The following GABPA variants were observed in gnomAD, a reference collection of about 807,000 sequenced individuals.
GABPA encodes the protein GA binding protein transcription factor subunit alpha, also known as GA-binding protein alpha chain.
Under a neutral mutation model 59.4 loss-of-function variants are expected in GABPA, and 4 were observed. The ratio of observed to expected loss-of-function variants is 0.07; its 90% CI spans 0.03 to 0.15. The LOEUF (loss-of-function observed/expected upper bound fraction) is 0.15. GABPA is among the 10% of genes least tolerant of loss of function. The probability of loss-of-function intolerance (pLI) is 1.00; values close to 1 mark genes in which losing one functional copy is unlikely to be tolerated. For missense variants in GABPA, 251 were observed against 543.8 expected (o/e 0.46, Z 5.36); for synonymous variants, 164 against 183.1 (o/e 0.90, Z 0.84).
At chr21:25,753,235 A>G (rs2035556501) in intron 5 of GABPA, among the ~76,000 whole-genome samples, 1 of 152,204 alleles carries the variant, frequency 6.6e-6, no homozygotes, top group Non-Finnish European at 1.5e-5. Flanking sequence ...GAAGGTGGAT[A>G]GCACTTGATT....
intron 5 of GABPA, among the ~76,000 whole-genome samples, chr21:25,755,467 A>C (rs2035613885): frequency 6.7e-6 from 1 of 149,944 alleles, no homozygotes; most frequent in African/African-American, 2.5e-5. Flanking sequence ...CAAAGAAAAG[A>C]GTTTCAAACG....
At chr21:25,748,966 T>A in intron 3 of GABPA, 70 bp from the exon 4 acceptor site, 2 of 942,080 alleles carry the variant, frequency 2.1e-6, no homozygotes, top group South Asian at 2.7e-5. Context: ...CCATTTATTC[T>A]AAACCAAAGG....
intron 2 of GABPA, 135 bp from the exon 3 acceptor site, chr21:25,745,075 C>T (rs190464308): frequency 1.7e-5 from 14 of 841,728 alleles, no homozygotes; most frequent in African/African-American, 3.5e-5. Context: ...ATGAGCCTGC[C>T]ACAGTATCTA....
intron 8 of GABPA, 69 bp from the exon 9 acceptor site, chr21:25,764,526 G>A: frequency 6.7e-7 from 1 of 1,495,758 alleles, no homozygotes; most frequent in South Asian, 1.2e-5. Context: ...CACGGGACCA[G>A]TTTGTTGTCT....
chr21:25,738,515 T>A (rs2035138426), intron 1 of GABPA, among the ~76,000 whole-genome samples: 1 of 152,256 alleles, frequency 6.6e-6, no homozygotes, highest in Non-Finnish European at 1.5e-5. Flanking sequence ...ATCAGATTTT[T>A]CTCCTTACGG....
At chr21:25,742,998 T>C (rs150112064) in intron 2 of GABPA, among the ~76,000 whole-genome samples, 173 of 152,122 alleles carry the variant, frequency 1.1e-3, no homozygotes, top group African/African-American at 4.1e-3. Context: ...TGGGAGCAAC[T>C]TACCTGGGTG....
At chr21:25,758,257 C>A in intron 6 of GABPA, 53 bp downstream of exon 6, 1 of 1,285,872 alleles carries the variant, frequency 7.8e-7, no homozygotes, top group Non-Finnish European at 1.1e-6. Context: ...AATTTTATTT[C>A]CTTGTAACTT....
intron 9 of GABPA, 116 bp from the exon 10 acceptor site, chr21:25,768,888 T>C (rs1455010680): frequency 3.1e-6 from 2 of 653,118 alleles, no homozygotes; most frequent in Non-Finnish European, 5.5e-6. Context: ...CAATATTAAT[T>C]GCTATTGTGG....
Position 25,752,702 on chromosome 21 carries a change from G to C in GABPA, c.553+468G>C, listed in dbSNP as rs898802937. ...AAAGCTTAGACCTGGGGGTATGCATGAGTAGTGAGAAAATGGAGTGGTTAA... is the reference window on the plus strand; with the variant it reads ...AAAGCTTAGACCTGGGGGTATGCATCAGTAGTGAGAAAATGGAGTGGTTAA... On this transcript the variant is annotated intron_variant, in intron 5 of 9. Coordinates refer to ENST00000400075, the MANE Select transcript of GABPA (RefSeq NM_002040.4). Among the ~76,000 whole-genome samples, 4 of 152,182 alleles carry C rather than the reference G, an allele frequency of 2.6e-5. No individual in the cohort carries two copies. In the East Asian group the frequency reaches 7.7e-4, roughly 29 times the overall value.
intron 5 of GABPA, among the ~76,000 whole-genome samples, chr21:25,754,988 T>C (rs919456050): frequency 1.3e-5 from 2 of 152,082 alleles, no homozygotes; most frequent in Admixed American, 6.5e-5. Context: ...GAGGCGGACG[T>C]TGCAGTGAGC....
chr21:25,757,849 A>ATTTTTTTTTTTT (rs60518912), intron 5 of GABPA, among the ~76,000 whole-genome samples, 161 bp from the exon 6 acceptor site: 1 of 108,732 alleles, frequency 9.2e-6, no homozygotes, highest in African/African-American at 3.7e-5. Context: ...TTACAGCATA[A>ATTTTTTTTTTTT]TTTTTTTTTT....
intron 9 of GABPA, among the ~76,000 whole-genome samples, chr21:25,765,021 A>G (rs1026921809): frequency 6.6e-6 from 1 of 151,782 alleles, no homozygotes; most frequent in African/African-American, 2.4e-5. Context: ...GAAAGCTATA[A>G]TACTCTGTCC....
At chr21:25,745,449 C>G (rs2035337056) in intron 3 of GABPA, 95 bp downstream of exon 3, 1 of 1,168,388 alleles carries the variant, frequency 8.6e-7, no homozygotes, top group Non-Finnish European at 1.2e-6. Context: ...GACTTTATCT[C>G]TGTAAGAAGA....
At chr21:25,751,364 T>G (rs1382697800) in intron 4 of GABPA, among the ~76,000 whole-genome samples, 1 of 139,180 alleles carries the variant, frequency 7.2e-6, no homozygotes, top group Non-Finnish European at 1.5e-5. Flanking sequence ...ATTAATAAAT[T>G]ATTTATTTTT....
At chr21:25,746,349 A>T (rs2123508484) in intron 3 of GABPA, among the ~76,000 whole-genome samples, 1 of 152,232 alleles carries the variant, frequency 6.6e-6, no homozygotes, top group South Asian at 2.1e-4. Flanking sequence ...ACTTAGATTA[A>T]TGTATATTGT....
intron 5 of GABPA, 154 bp downstream of exon 5, chr21:25,752,388 A>T: frequency 1.2e-6 from 1 of 856,704 alleles, no homozygotes; most frequent in African/African-American, 1.7e-5. Flanking sequence ...CGCACATTTA[A>T]GCTCATGTGG....
At chr21:25,754,470 G>T (rs140404464) in intron 5 of GABPA, among the ~76,000 whole-genome samples, 1 of 151,896 alleles carries the variant, frequency 6.6e-6, no homozygotes, top group Admixed American at 6.6e-5. Context: ...ACTACTTTCT[G>T]CCAGATTTTC....
intron 1 of GABPA, among the ~76,000 whole-genome samples, chr21:25,736,016 A>G (rs1304844993): frequency 6.6e-6 from 1 of 152,122 alleles, no homozygotes; most frequent in Non-Finnish European, 1.5e-5. Flanking sequence ...ACTCATTTCA[A>G]ATCCGCTCTC....
chr21:25,766,426 A>G (rs552720229), intron 9 of GABPA, among the ~76,000 whole-genome samples: 1 of 152,172 alleles, frequency 6.6e-6, no homozygotes, highest in East Asian at 1.9e-4. Flanking sequence ...TATTTAAATT[A>G]GGAATTTCTG....
Sources: gnomAD v4.1 joint callset for allele counts (sites outside exome capture counted in the v4.1 genomes callset) on GRCh38, gnomAD v4.1.1 for gene constraint, MANE v1.5 for transcripts, NCBI Gene and HGNC (gene_info 2026-07-23, HGNC 2026-07-21) for gene names.